Variants in RABGAP1L observed in about 807,000 individuals in gnomAD.
RABGAP1L encodes RAB GTPase activating protein 1 like, also known as rab GTPase-activating protein 1-like.
A neutral mutation model predicts 137.7 loss-of-function variants in RABGAP1L; 63 were observed. The ratio of observed to expected loss-of-function variants is 0.46; its 90% CI spans 0.37 to 0.56. RABGAP1L has a LOEUF of 0.56. RABGAP1L is among the 20% of genes least tolerant of loss of function. RABGAP1L has a pLI of 0.00. For missense variants in RABGAP1L, 1,095 were observed against 1,244.0 expected, an observed-to-expected ratio of 0.88 and a Z score of 1.80; for synonymous variants, 431 against 433.7, an observed-to-expected ratio of 0.99 and a Z score of 0.08.
At chr1:174,285,930 A>G (rs1676019352) in intron 10 of RABGAP1L, among the ~76,000 whole-genome samples, 1 of 152,120 alleles carries the variant, frequency 6.6e-6, no homozygotes, top group South Asian at 2.1e-4. Context: ...AGGGATGAAT[A>G]CCATTTGATC....
At chr1:174,217,805 A>G (rs1011496047) in intron 1 of RABGAP1L, among the ~76,000 whole-genome samples, 1 of 152,106 alleles carries the variant, frequency 6.6e-6, no homozygotes, top group Non-Finnish European at 1.5e-5. Flanking sequence ...GATTTTTTAT[A>G]AAGTTGGAAA....
At chr1:174,196,230 T>TC (rs200760021) in intron 1 of RABGAP1L, among the ~76,000 whole-genome samples, 1,768 of 150,100 alleles carry the variant, frequency 0.012, 22 homozygotes, top group African/African-American at 0.033. Flanking sequence ...TTTCTTTCTT[T>TC]TTTTTTTTTT....
intron 19 of RABGAP1L, among the ~76,000 whole-genome samples, chr1:174,866,144 AG>A (rs1651194031): frequency 6.7e-6 from 1 of 150,190 alleles, no homozygotes; most frequent in Non-Finnish European, 1.5e-5. Context: ...AGAGAGAGAG[AG>A]AGAGAGAGAG....
intron 15 of RABGAP1L, among the ~76,000 whole-genome samples, chr1:174,685,550 C>CATTTATTTATTT (rs1345144628): frequency 1.9e-4 from 16 of 85,448 alleles, no homozygotes; most frequent in African/African-American, 1.1e-3. Flanking sequence ...ACCGCGCCGG[C>CATTTATTTATTT]CTTTATTTAT....
At chr1:174,418,343 A>G (rs1421910194) in intron 13 of RABGAP1L, among the ~76,000 whole-genome samples, 1 of 152,242 alleles carries the variant, frequency 6.6e-6, no homozygotes, top group African/African-American at 2.4e-5. Context: ...ATTTTTTACC[A>G]TATAAGAGGA....
rs567677098 is a variant in RABGAP1L, at chr1:174,780,563, G to GAT, written c.2211+28222_2211+28223dup. ...TTTACTTGCTAAAGTACATGCTTTT[G>GAT]ATATATATATATATTTTTATTATAC... On this transcript the variant is annotated intron_variant, in intron 18 of 25. Coordinates refer to ENST00000681986, the MANE Select transcript of RABGAP1L (RefSeq NM_001366446.1). Among the ~76,000 whole-genome samples the GAT allele has an allele frequency of 3.7e-3, 557 of 151,636 alleles. 2 individuals carry two copies. Among genetic ancestry groups the GAT allele is most frequent in the African/African-American group, 0.012 (483 of 41,346 alleles).
At position 174,993,187 on chromosome 1, in the gene RABGAP1L, A is replaced by C. The variant is rs1672168018; in HGVS notation, c.*3186A>C. On this transcript the variant is annotated 3_prime_UTR_variant, in exon 26 of 26. Coordinates refer to ENST00000681986, the MANE Select transcript of RABGAP1L (RefSeq NM_001366446.1). ...ATTTGGTTTTATTTAGTTACATATA[A>C]TTTAATGCAAAGAAATTCTGTTACT... 3 of 152,214 alleles carry C rather than the reference A, an allele frequency of 2.0e-5. No homozygotes were observed. Among genetic ancestry groups the C allele is most frequent in the Admixed American group, 1.3e-4 (2 of 15,278 alleles). 9.4% of individuals were successfully genotyped at this position (152,214 alleles called of 1,614,324 possible).
intron 13 of RABGAP1L, among the ~76,000 whole-genome samples, chr1:174,619,468 G>C (rs1195160396): frequency 6.6e-6 from 1 of 152,192 alleles, no homozygotes; most frequent in Non-Finnish European, 1.5e-5. Flanking sequence ...AGCCAGAAGA[G>C]AGTGGGGGCC....
chr1:174,434,008 A>G lies in RABGAP1L; in HGVS notation c.1710+39863A>G, dbSNP rs577138697. On this transcript the variant is annotated intron_variant, in intron 13 of 25. Coordinates refer to ENST00000681986, the MANE Select transcript of RABGAP1L (RefSeq NM_001366446.1). ...TGCATGCATGTGTGTAACCACATGTATCAAGATACAGAATGTTTCCCTCTT... is the reference window on the plus strand; with the variant it reads ...TGCATGCATGTGTGTAACCACATGTGTCAAGATACAGAATGTTTCCCTCTT... 1.6e-4 allele frequency among the ~76,000 whole-genome samples: 25 copies of G among 152,192 alleles called. 2 individuals are homozygous for G. The East Asian group carries it at 4.8e-3, about 29-fold the overall frequency.
chr1:174,923,763 C>T (rs775970591), intron 19 of RABGAP1L, among the ~76,000 whole-genome samples: 2 of 151,866 alleles, frequency 1.3e-5, no homozygotes, highest in Non-Finnish European at 2.9e-5. Context: ...TGCCTGTAAT[C>T]CCAGCTACTT....
At chr1:174,851,428 G>A (rs531132393) in intron 19 of RABGAP1L, among the ~76,000 whole-genome samples, 2 of 106,154 alleles carry the variant, frequency 1.9e-5, no homozygotes, top group East Asian at 8.0e-4. Flanking sequence ...CAATTGTGCA[G>A]AGAATGAATT....
intron 19 of RABGAP1L, among the ~76,000 whole-genome samples, chr1:174,916,988 A>T (rs1660986791): frequency 6.6e-6 from 1 of 152,194 alleles, no homozygotes; most frequent in African/African-American, 2.4e-5. Context: ...GTTCCAGTAG[A>T]TTTGGTTCCT....
intron 13 of RABGAP1L, among the ~76,000 whole-genome samples, chr1:174,438,843 C>T (rs1653787362): frequency 1.4e-5 from 2 of 143,146 alleles, no homozygotes; most frequent in Non-Finnish European, 1.5e-5. Flanking sequence ...ACATTTTCAC[C>T]TACTTTCTGT....
At chr1:174,861,370 A>G (rs1442667476) in intron 19 of RABGAP1L, among the ~76,000 whole-genome samples, 2 of 152,152 alleles carry the variant, frequency 1.3e-5, no homozygotes, top group Non-Finnish European at 2.9e-5. Context: ...ACAGATGCTT[A>G]GGTTATTTCT....
At chr1:174,874,337 T>C (rs1652715485) in intron 19 of RABGAP1L, 1 of 305,038 alleles carries the variant, frequency 3.3e-6, no homozygotes, top group African/African-American at 2.3e-5. Context: ...ACCAGGAATC[T>C]ATTCTCTCCC....
At chr1:174,328,020 T>C (rs1038281195) in intron 11 of RABGAP1L, among the ~76,000 whole-genome samples, 9 of 118,448 alleles carry the variant, frequency 7.6e-5, no homozygotes, top group African/African-American at 2.3e-4. Context: ...TATATATATA[T>C]ATATACCCAA....
intron 17 of RABGAP1L, among the ~76,000 whole-genome samples, chr1:174,733,341 C>T (rs1348622213): frequency 6.6e-6 from 1 of 152,208 alleles, no homozygotes; most frequent in Non-Finnish European, 1.5e-5. Flanking sequence ...CATGCACTTT[C>T]GTGGTCCCAT....
At chr1:174,956,650 C>CTT (rs749236387) in intron 19 of RABGAP1L, among the ~76,000 whole-genome samples, 31 of 139,764 alleles carry the variant, frequency 2.2e-4, no homozygotes, top group South Asian at 4.5e-4. Context: ...CTCTTCTCTT[C>CTT]TTTTTTTTTT....
At chr1:174,783,212 G>A (rs983310668) in intron 18 of RABGAP1L, among the ~76,000 whole-genome samples, 1 of 152,144 alleles carries the variant, frequency 6.6e-6, no homozygotes, top group Non-Finnish European at 1.5e-5. Flanking sequence ...CATTGTTCCT[G>A]CGTGGCTAAA....
Sources: allele counts gnomAD v4.1 joint callset (sites outside exome capture counted in the v4.1 genomes callset), GRCh38; gene constraint gnomAD v4.1.1; transcripts MANE v1.5; gene names NCBI Gene and HGNC (gene_info 2026-07-23, HGNC 2026-07-21).